Variants in ULK4 observed in about 807,000 individuals in gnomAD.
ULK4 encodes the protein unc-51 like kinase 4, also known as inactive serine/threonine-protein kinase ULK4.
Under a neutral mutation model 160.6 loss-of-function variants are expected in ULK4, and 133 were observed. That is an observed-to-expected ratio of 0.83 (90% CI 0.72 to 0.96). The LOEUF is 0.96. Ranked by LOEUF, ULK4 falls within the 40% of genes least tolerant of loss-of-function variation. ULK4 has a pLI of 0.00. For missense variants in ULK4, 1,580 were observed against 1,499.5 expected, an observed-to-expected ratio of 1.05 and a Z score of -0.89; for synonymous variants, 534 against 539.8, an observed-to-expected ratio of 0.99 and a Z score of 0.15.
At chr3:41,865,276 A>G (rs2042591918) in intron 17 of ULK4, among the ~76,000 whole-genome samples, 1 of 109,488 alleles carries the variant, frequency 9.1e-6, no homozygotes, top group Non-Finnish European at 1.7e-5. Context: ...GTCTTTAAAA[A>G]AAAAAAAAAA....
intron 27 of ULK4, among the ~76,000 whole-genome samples, chr3:41,702,485 A>G (rs1481183289): frequency 6.6e-6 from 1 of 152,202 alleles, no homozygotes; most frequent in Admixed American, 6.5e-5. Context: ...TGTTTCTATT[A>G]CATAGATCTA....
chr3:41,551,904 G>A (rs987242634), intron 32 of ULK4, among the ~76,000 whole-genome samples: 1 of 151,970 alleles, frequency 6.6e-6, no homozygotes, highest in Non-Finnish European at 1.5e-5. Flanking sequence ...ACATCAAAAA[G>A]ATAATGCACT....
chr3:41,466,682 A>T (rs1020125307), intron 32 of ULK4, among the ~76,000 whole-genome samples: 3 of 152,202 alleles, frequency 2.0e-5, no homozygotes, highest in Admixed American at 6.5e-5. Context: ...AAGCTTTTGC[A>T]AATCAAAAGA....
intron 29 of ULK4, among the ~76,000 whole-genome samples, chr3:41,673,588 G>C (rs1036233698): frequency 6.6e-6 from 1 of 152,114 alleles, no homozygotes; most frequent in African/African-American, 2.4e-5. Context: ...TTCCCCGGGA[G>C]AGAAATGTTT....
In ULK4 at chr3:41,454,608, G is replaced by C. The variant is rs936442026; in HGVS notation, c.3492+889C>G. Among the ~76,000 whole-genome samples the C allele has an allele frequency of 1.4e-3, 209 of 151,170 alleles. 1 individual carries two copies. The highest frequency in any genetic ancestry group is 4.8e-3 in the African/African-American group (200 of 41,254). ...TAGAATTAATTGGCAAAAATATAAA[G>C]TTAAAATTAATTAGGAACAATAATT... On this transcript the variant is annotated intron_variant, in intron 34 of 36. Coordinates refer to ENST00000301831, the MANE Select transcript of ULK4 (RefSeq NM_017886.4).
intron 32 of ULK4, among the ~76,000 whole-genome samples, chr3:41,512,205 CCT>C (rs778539885): frequency 9.2e-5 from 14 of 152,074 alleles, no homozygotes; most frequent in Non-Finnish European, 1.6e-4. Context: ...AAGCATTCCC[CCT>C]GAGAACTGGA....
rs1233899423 is a variant in ULK4, at chr3:41,406,239, G to T, written c.3493-7975C>A. Among the ~76,000 whole-genome samples, 5 of 152,258 alleles carry T rather than the reference G, an allele frequency of 3.3e-5. No individual in the cohort carries two copies. In the East Asian group the frequency reaches 9.6e-4, roughly 29 times the overall value. ...CTAAATAGGCAGTCCTTTCCCTGTT[G>T]CTTACTTTTGTTGACTTTGTCAAAG... On this transcript the variant is annotated intron_variant, in intron 34 of 36. Coordinates refer to ENST00000301831, the MANE Select transcript of ULK4 (RefSeq NM_017886.4).
chr3:41,447,642 T>C (rs938618246), intron 34 of ULK4, among the ~76,000 whole-genome samples: 1 of 152,208 alleles, frequency 6.6e-6, no homozygotes, highest in Non-Finnish European at 1.5e-5. Flanking sequence ...GGCATCTATT[T>C]TGACTGCTCA....
At chr3:41,270,039 C>G (rs2079113173) in intron 35 of ULK4, among the ~76,000 whole-genome samples, 1 of 152,062 alleles carries the variant, frequency 6.6e-6, no homozygotes, top group Non-Finnish European at 1.5e-5. Flanking sequence ...GATACATACA[C>G]ACACACACAG....
At chr3:41,348,053 C>T (rs1354894626) in intron 35 of ULK4, among the ~76,000 whole-genome samples, 1 of 151,390 alleles carries the variant, frequency 6.6e-6, no homozygotes, top group African/African-American at 2.4e-5. Context: ...ACTAAAAATA[C>T]AAAAAATTAG....
chr3:41,544,276 G>T (rs2086787958), intron 32 of ULK4, among the ~76,000 whole-genome samples: 1 of 152,156 alleles, frequency 6.6e-6, no homozygotes, highest in African/African-American at 2.4e-5. Flanking sequence ...CCACAGAATG[G>T]TCCATTCATT....
At chr3:41,472,148 T>C (rs1051151112) in intron 32 of ULK4, among the ~76,000 whole-genome samples, 3 of 150,620 alleles carry the variant, frequency 2.0e-5, no homozygotes, top group Non-Finnish European at 4.4e-5. Context: ...AGAGAAGAAA[T>C]TAAACAGAAA....
intron 17 of ULK4, among the ~76,000 whole-genome samples, chr3:41,883,081 G>A (rs1697581887): frequency 6.6e-6 from 1 of 152,132 alleles, no homozygotes; most frequent in Non-Finnish European, 1.5e-5. Context: ...TTGTAAGCAA[G>A]GGAAATACAC....
chr3:41,480,712 T>TAA (rs1316535987), intron 32 of ULK4, among the ~76,000 whole-genome samples: 3 of 152,228 alleles, frequency 2.0e-5, no homozygotes, highest in African/African-American at 7.2e-5. Flanking sequence ...CAAGACTGGG[T>TAA]AATTTATAAA....
intron 22 of ULK4, among the ~76,000 whole-genome samples, chr3:41,745,156 T>C (rs1036837992): frequency 2.7e-5 from 4 of 150,616 alleles, no homozygotes; most frequent in Admixed American, 6.6e-5. Flanking sequence ...TTTCAGAAAG[T>C]AGAAAAAGAG....
chr3:41,666,328 T>C (rs2035349586), intron 29 of ULK4, among the ~76,000 whole-genome samples: 1 of 152,158 alleles, frequency 6.6e-6, no homozygotes, highest in Admixed American at 6.5e-5. Flanking sequence ...TCGAAGGCAC[T>C]CTTACCAGGG....
At chr3:41,577,584 A>G (rs993018130) in intron 31 of ULK4, among the ~76,000 whole-genome samples, 1 of 147,380 alleles carries the variant, frequency 6.8e-6, no homozygotes, top group African/African-American at 2.5e-5. Flanking sequence ...CCGCGCCCCC[A>G]TTAACCATCC....
At chr3:41,475,773 C>T (rs558478756) in intron 32 of ULK4, among the ~76,000 whole-genome samples, 1 of 152,078 alleles carries the variant, frequency 6.6e-6, no homozygotes, top group Non-Finnish European at 1.5e-5. Context: ...TTCAAGCTAC[C>T]AGATCTTCCA....
chr3:41,938,408 T>C (rs1206268775), intron 2 of ULK4, among the ~76,000 whole-genome samples: 1 of 152,178 alleles, frequency 6.6e-6, no homozygotes, highest in African/African-American at 2.4e-5. Context: ...CGGTGCAAGA[T>C]GGCTCACACC....
Sources: gnomAD v4.1 joint callset for allele counts (sites outside exome capture counted in the v4.1 genomes callset) on GRCh38, gnomAD v4.1.1 for gene constraint, MANE v1.5 for transcripts, NCBI Gene and HGNC (gene_info 2026-07-23, HGNC 2026-07-21) for gene names.